The following CDK12 variants were observed in gnomAD, a reference collection of about 807,000 sequenced individuals.
CDK12 encodes the protein cyclin dependent kinase 12, also known as cyclin-dependent kinase 12.
In CDK12, 17 loss-of-function variants were observed where a neutral mutation model predicts 133.8. The observed-to-expected ratio is 0.13, with a 90% CI of 0.09 to 0.19. The LOEUF (loss-of-function observed/expected upper bound fraction) is 0.19, where lower values mean the gene tolerates loss of function less well. Ranked by LOEUF, CDK12 falls within the 10% of genes least tolerant of loss-of-function variation. The probability of loss-of-function intolerance (pLI) is 1.00; values close to 1 mark genes in which losing one functional copy is unlikely to be tolerated. For missense variants in CDK12, 1,508 were observed against 1,818.7 expected, an observed-to-expected ratio of 0.83 and a Z score of 3.11; for synonymous variants, 694 against 683.6, an observed-to-expected ratio of 1.02 and a Z score of -0.24.
chr17:39,476,716 T>TTTTTTTTTTTTTTC (rs2050229458), intron 2 of CDK12, among the ~76,000 whole-genome samples: 1 of 100,766 alleles, frequency 9.9e-6, no homozygotes, highest in African/African-American at 4.1e-5. Flanking sequence ...CCTGCCTTTT[T>TTTTTTTTTTTTTTC]TTTTTTTTTT....
chr17:39,491,071 C>T (rs1281811310), intron 3 of CDK12, among the ~76,000 whole-genome samples: 6 of 152,068 alleles, frequency 3.9e-5, no homozygotes, highest in Admixed American at 3.9e-4. Context: ...ATCGTGTACA[C>T]ATTAACCAAA....
At chr17:39,486,253 C>CTTT (rs35710234) in intron 2 of CDK12, among the ~76,000 whole-genome samples, 32 of 86,518 alleles carry the variant, frequency 3.7e-4, no homozygotes, top group African/African-American at 5.2e-4. Flanking sequence ...CACCCTGCCT[C>CTTT]TTTTTTTTTT....
At chr17:39,560,850 A>T (rs933049845) in intron 3 of CDK12, among the ~76,000 whole-genome samples, 19 of 152,328 alleles carry the variant, frequency 1.2e-4, no homozygotes, top group African/African-American at 4.6e-4. Context: ...CCCCATCTCT[A>T]CTAAAAATAC....
In CDK12 at chr17:39,493,160, A is replaced by ATT. The variant is rs1311630248; in HGVS notation, c.2248+274_2248+275dup. Among the ~76,000 whole-genome samples, 234 of 84,158 alleles carry ATT rather than the reference A, an allele frequency of 2.8e-3. 2 individuals carry two copies. The highest frequency in any genetic ancestry group is 4.6e-3 in the African/African-American group (140 of 30,538). 55.2% of individuals were successfully genotyped at this position (84,158 alleles called of 152,430 possible). On this transcript the variant is annotated intron_variant, in intron 4 of 13. Transcript: ENST00000447079. ...GACCGTGCGCAACCACACTCGACTA[A>ATT]TTTTTGTTTTTTTTTTTTTTTTAGT...
At chr17:39,494,167 G>A (rs377453288) in intron 4 of CDK12, among the ~76,000 whole-genome samples, 15 of 152,068 alleles carry the variant, frequency 9.9e-5, no homozygotes, top group East Asian at 5.8e-4. Flanking sequence ...TCTGCCTCCC[G>A]GGTTCAAGCA....
upstream of CDK12, among the ~76,000 whole-genome samples, chr17:39,544,625 C>CTTTTTTTTTTTTTT (rs71147355): frequency 1.6e-5 from 1 of 60,908 alleles, no homozygotes; most frequent in Non-Finnish European, 3.0e-5. Context: ...AACAGGCGAT[C>CTTTTTTTTTTTTTT]TTTTTTTTTT....
chr17:39,546,942 C>T (rs929120285), upstream of CDK12, among the ~76,000 whole-genome samples: 4 of 152,132 alleles, frequency 2.6e-5, no homozygotes, highest in Admixed American at 6.5e-5. Context: ...AAATGTCCAT[C>T]CCTTTTTCTA....
intron 2 of CDK12, among the ~76,000 whole-genome samples, chr17:39,485,570 G>A (rs1397400454): frequency 6.8e-6 from 1 of 147,512 alleles, no homozygotes; most frequent in Non-Finnish European, 1.5e-5. Flanking sequence ...GTGCCACCAC[G>A]CCTGGCTAAT....
chr17:39,564,650 T>C (rs2056508981), intron 3 of CDK12: 1 of 152,240 alleles, frequency 6.6e-6, no homozygotes, highest in Non-Finnish European at 1.5e-5. Flanking sequence ...TAGTGCTTTC[T>C]TCTTAATAAC....
chr17:39,485,030 C>T (rs750297118), intron 2 of CDK12, among the ~76,000 whole-genome samples: 6 of 151,572 alleles, frequency 4.0e-5, no homozygotes, highest in African/African-American at 1.2e-4. Flanking sequence ...ATTAGCCAGG[C>T]GTGATGGTGG....
chr17:39,468,018 C>A (rs570383470), intron 1 of CDK12, among the ~76,000 whole-genome samples: 7 of 151,764 alleles, frequency 4.6e-5, no homozygotes, highest in Non-Finnish European at 1.0e-4. Flanking sequence ...CTTAGCCTCC[C>A]GAGCAGCTGG....
At chr17:39,555,684 C>T (rs2056127247) in intron 2 of CDK12, among the ~76,000 whole-genome samples, 1 of 151,580 alleles carries the variant, frequency 6.6e-6, no homozygotes. Flanking sequence ...GGAGTTCAGC[C>T]CCAGGAGAGA....
chr17:39,502,302 G>A (rs930077298), intron 6 of CDK12, among the ~76,000 whole-genome samples: 14 of 151,978 alleles, frequency 9.2e-5, no homozygotes, highest in African/African-American at 3.1e-4. Context: ...ACAGGCGCCC[G>A]CCACCACGCC....
Position 39,512,011 on chromosome 17 carries a change from C to G in CDK12, c.2768+381C>G, listed in dbSNP as rs565084303. On this transcript the variant is annotated intron_variant, in intron 8 of 13. Transcript: ENST00000447079. ...AAACTATTTCACTTGTCCTATCCAG[C>G]CTTTTATAGTCTGGATTTCGCAGAT... Among the ~76,000 whole-genome samples the G allele has an allele frequency of 5.3e-5, 8 of 152,198 alleles. No homozygotes were observed. In the South Asian group the frequency reaches 1.7e-3, roughly 32 times the overall value.
At chr17:39,494,950 T>A (rs2051954152) in intron 5 of CDK12, among the ~76,000 whole-genome samples, 1 of 152,008 alleles carries the variant, frequency 6.6e-6, no homozygotes, top group Non-Finnish European at 1.5e-5. Flanking sequence ...TTTGTATTTT[T>A]TTAGTAGAGG....
In CDK12 at chr17:39,514,269, G is replaced by A. The variant is rs559434321; in HGVS notation, c.2769-1462G>A. Among the ~76,000 whole-genome samples, 13 of 152,246 alleles carry A rather than the reference G, an allele frequency of 8.5e-5. 1 individual carries two copies. In the South Asian group the frequency reaches 2.7e-3, roughly 32 times the overall value. On this transcript the variant is annotated intron_variant, in intron 8 of 13. Transcript: ENST00000447079. ...TAGGAAGTAAGAATTTGTCTTTGAA[G>A]TTGTTTTAACATAATTCGTTTAAAG...
rs774869348 is a variant in CDK12, at chr17:39,530,732, G to A, written c.3889G>A (p.Val1297Met). 5.8e-5 allele frequency: 94 copies of A among 1,611,980 alleles called. No individual in the cohort carries two copies. The highest frequency in any genetic ancestry group is 7.7e-5 in the Non-Finnish European group (91 of 1,179,054). ...CGCCCCCCAGGAGTTGAACCCAGCC[G>A]TGACAGCCGCCTTGCTGCAACTTTT... ...SSAPQELNPA[V>M]TAALLQLLSQ... is the part of the protein sequence containing the mutation. Residue 1297 changes from valine (V) to methionine (M), a missense_variant, in exon 14 of 14, where the codon GTG (valine) becomes ATG (methionine). Transcript: ENST00000447079.
chr17:39,564,551 T>TTCCTACCCTCCCACCTC (rs1411280446), intron 3 of CDK12, among the ~76,000 whole-genome samples: 2 of 152,148 alleles, frequency 1.3e-5, no homozygotes, highest in African/African-American at 2.4e-5. Flanking sequence ...ACCCCCACCT[T>TTCCTACCCTCCCACCTC]TCCTACCCTC....
chr17:39,502,627 A>T (rs1258535375), intron 6 of CDK12, among the ~76,000 whole-genome samples: 3 of 152,222 alleles, frequency 2.0e-5, no homozygotes, highest in African/African-American at 4.8e-5. Flanking sequence ...AAACTTTTGC[A>T]GGAGAAATAA....
Sources: gnomAD v4.1 joint callset for allele counts (sites outside exome capture counted in the v4.1 genomes callset) on GRCh38, gnomAD v4.1.1 for gene constraint, MANE v1.5 for transcripts, NCBI Gene and HGNC (gene_info 2026-07-23, HGNC 2026-07-21) for gene names.